Variants in MGAT3 observed in about 807,000 individuals in gnomAD.
MGAT3 encodes the protein GlcNAc-T III.
MGAT3 carries 9 observed loss-of-function variants against 29.8 expected under a neutral mutation model. The ratio of observed to expected loss-of-function variants is 0.30; its 90% confidence interval spans 0.18 to 0.53. The LOEUF (loss-of-function observed/expected upper bound fraction) is 0.53, where lower values mean the gene tolerates loss of function less well. Among genes scored for constraint, MGAT3 ranks in the 20% least tolerant of loss-of-function variants. The probability of loss-of-function intolerance (pLI) is 0.96; values close to 1 mark genes in which losing one functional copy is unlikely to be tolerated. For missense variants in MGAT3, 557 were observed against 769.5 expected (o/e 0.72, Z 3.27); for synonymous variants, 397 against 348.9 (o/e 1.14, Z -1.54).
chr22:39,487,872 C>G lies in MGAT3; in HGVS notation c.525C>G (p.Pro175=), dbSNP rs554380551. 1 of 1,560,392 alleles carries G rather than the reference C, an allele frequency of 6.4e-7. No homozygotes were observed. The highest frequency in any genetic ancestry group is 1.4e-5 in the African/African-American group (1 of 73,892). Reference sequence around the variant, plus strand: ...AGTGGGTGGAGTGCGTGTGCCTGCCCGGCTGGCACGGACCCAGCTGCGGCG... The same window carrying G: ...AGTGGGTGGAGTGCGTGTGCCTGCCGGGCTGGCACGGACCCAGCTGCGGCG... The part of the protein sequence containing the change: ...RRKWVECVCL[P]GWHGPSCGVP... Residue 175 remains proline (P), a synonymous_variant, in exon 2 of 2, where the codon CCC becomes CCG. Coordinates refer to ENST00000341184, the MANE Select transcript of MGAT3 (RefSeq NM_002409.5). The surrounding 1 kb of genome is among the most constrained non-coding windows in gnomAD (Gnocchi z 5.7).
chr22:39,467,547 G>A (rs1294528455), intron 1 of MGAT3, among the ~76,000 whole-genome samples: 3 of 152,186 alleles, frequency 2.0e-5, no homozygotes, highest in Non-Finnish European at 2.9e-5. Context: ...GCTGGGCACC[G>A]CGAAGAGAAT....
At chr22:39,482,088 G>C (rs1929144148) in intron 1 of MGAT3, among the ~76,000 whole-genome samples, 1 of 151,626 alleles carries the variant, frequency 6.6e-6, no homozygotes. Flanking sequence ...CAAGTAGCTA[G>C]AACTACAGGC....
intron 1 of MGAT3, among the ~76,000 whole-genome samples, chr22:39,481,239 C>T (rs549405778): frequency 4.6e-5 from 7 of 152,228 alleles, no homozygotes; most frequent in African/African-American, 1.7e-4. Flanking sequence ...TTCCCTGGCG[C>T]CCTCTCCTGC....
chr22:39,458,345 G>T (rs1928400670), intron 1 of MGAT3, among the ~76,000 whole-genome samples: 1 of 152,136 alleles, frequency 6.6e-6, no homozygotes, highest in South Asian at 2.1e-4. Flanking sequence ...CCCCAGCCCC[G>T]GAAGATGCCC....
Position 39,489,715 on chromosome 22 carries a change from T to C in MGAT3, c.*766T>C, listed in dbSNP as rs1929400257. 6.0e-6 allele frequency: 1 copy of C among 167,234 alleles called. No homozygotes were observed. The highest frequency in any genetic ancestry group is 2.1e-4 in the South Asian group (1 of 4,840). The allele number at this position is 167,234 out of a possible 1,614,324, so 10.4% of individuals were successfully genotyped here. On this transcript the variant is annotated 3_prime_UTR_variant, in exon 2 of 2. Coordinates refer to ENST00000341184, the MANE Select transcript of MGAT3 (RefSeq NM_002409.5). ...GTTGACGTTCCTTCTCCCTTTCACA[T>C]TGCTGTCTTGTGGACTGTGCACTCA...
intron 1 of MGAT3, among the ~76,000 whole-genome samples, chr22:39,462,778 T>G (rs920987130): frequency 2.6e-5 from 4 of 152,234 alleles, no homozygotes; most frequent in African/African-American, 9.6e-5. Flanking sequence ...GGCTCACTTA[T>G]TTTCATCTTT....
chr22:39,459,535 G>C (rs5757685), intron 1 of MGAT3, among the ~76,000 whole-genome samples: 120,176 of 152,196 alleles, frequency 0.79, 47,918 homozygotes, highest in East Asian at 1. Context: ...GTGATCATAG[G>C]TCACAGCAGC....
At chr22:39,469,029 A>G (rs1368195094) in intron 1 of MGAT3, among the ~76,000 whole-genome samples, 1 of 150,902 alleles carries the variant, frequency 6.6e-6, no homozygotes, top group African/African-American at 2.5e-5. Flanking sequence ...GGGCCCATTG[A>G]GGAAGCTGCT....
chr22:39,467,175 T>C (rs989414986), intron 1 of MGAT3, among the ~76,000 whole-genome samples: 4 of 152,216 alleles, frequency 2.6e-5, no homozygotes, highest in Non-Finnish European at 5.9e-5. Context: ...TCCTGGTTAA[T>C]TCAGCGAGTG....
At chr22:39,476,468 G>C (rs1928966993) in intron 1 of MGAT3, 1 of 152,288 alleles carries the variant, frequency 6.6e-6, no homozygotes, top group Admixed American at 6.5e-5. Flanking sequence ...CTGCTCCATG[G>C]TGAACGGGAT....
chr22:39,477,000 T>A (rs1319950921), intron 1 of MGAT3, among the ~76,000 whole-genome samples: 1 of 152,098 alleles, frequency 6.6e-6, no homozygotes. Flanking sequence ...TCTACCTGTC[T>A]CCCCATGTGG....
chr22:39,482,380 A>G (rs987479773), intron 1 of MGAT3, among the ~76,000 whole-genome samples: 3 of 152,220 alleles, frequency 2.0e-5, no homozygotes, highest in African/African-American at 7.2e-5. Flanking sequence ...CACCTGCACT[A>G]CAGAGGGATC....
At chr22:39,464,236 C>T (rs772480081) in intron 1 of MGAT3, among the ~76,000 whole-genome samples, 10 of 152,162 alleles carry the variant, frequency 6.6e-5, no homozygotes, top group African/African-American at 1.4e-4. Context: ...GCAAATCTCT[C>T]GTGGTGAGTC....
rs150293843 is a variant in MGAT3 at position 39,475,122 on chromosome 22, G to C, written c.-1-12225G>C. Among the ~76,000 whole-genome samples, 816 of 128,434 alleles carry C rather than the reference G, an allele frequency of 6.4e-3. 10 individuals are homozygous for C. Among genetic ancestry groups the C allele is most frequent in the African/African-American group, 0.027 (755 of 27,584 alleles). 84.3% of individuals were successfully genotyped at this position (128,434 alleles called of 152,430 possible). On this transcript the variant is annotated intron_variant, in intron 1 of 1. Transcript: ENST00000341184. ...GAGGGATGAATTCACAGCAGGGCTT[G>C]CCAGGCTTTTTTTTTTTTTTTTTTT...
At chr22:39,473,170 C>T (rs549386736) in intron 1 of MGAT3, among the ~76,000 whole-genome samples, 28 of 152,178 alleles carry the variant, frequency 1.8e-4, no homozygotes, top group Non-Finnish European at 3.5e-4. Context: ...GTGCTGTCCT[C>T]TCATTCCCCT....
rs1456959948 is a variant in MGAT3, at chr22:39,457,943, C to T, written c.-2+386C>T. ...CTCCCCCACAACCTCCGGCGCGGCG[C>T]GGGGCTGGGGTGGGAGGCCTCCGCG... On this transcript the variant is annotated intron_variant, in intron 1 of 1. Transcript: ENST00000341184. The surrounding 1 kb of genome is among the most constrained non-coding windows in gnomAD (Gnocchi z 6.8). Among the ~76,000 whole-genome samples the T allele has an allele frequency of 6.6e-6, 1 of 151,630 alleles. No individual in the cohort carries two copies. The highest frequency in any genetic ancestry group is 2.4e-5 in the African/African-American group (1 of 41,344).
At chr22:39,470,737 C>T (rs1043299612) in intron 1 of MGAT3, among the ~76,000 whole-genome samples, 16 of 152,160 alleles carry the variant, frequency 1.1e-4, no homozygotes, top group African/African-American at 3.6e-4. Context: ...GAGGACTGGC[C>T]TGTGTCAAGA....
intron 1 of MGAT3, among the ~76,000 whole-genome samples, chr22:39,468,534 G>A (rs1928719053): frequency 6.6e-6 from 1 of 152,214 alleles, no homozygotes; most frequent in Admixed American, 6.5e-5. Flanking sequence ...ATTGGAAGGG[G>A]CCCTTAGGAT....
chr22:39,461,469 C>T (rs562992799), intron 1 of MGAT3, among the ~76,000 whole-genome samples: 25 of 152,292 alleles, frequency 1.6e-4, no homozygotes, highest in Non-Finnish European at 2.9e-4. Flanking sequence ...ACCCCTCCTT[C>T]GAGGGGCTCC....
Sources: gnomAD v4.1 joint callset for allele counts (sites outside exome capture counted in the v4.1 genomes callset) on GRCh38, gnomAD v4.1.1 for gene constraint, Gnocchi (gnomAD v3.1) non-coding constraint, MANE v1.5 for transcripts, NCBI Gene and HGNC (gene_info 2026-07-23, HGNC 2026-07-21) for gene names.